The following NREP variants were observed in gnomAD, a reference collection of about 807,000 sequenced individuals.
NREP encodes neuronal regeneration-related protein.
In NREP, 5 loss-of-function variants were observed where a neutral mutation model predicts 8.6. The observed-to-expected ratio is 0.58, with a 90% confidence interval of 0.30 to 1.22. The LOEUF (loss-of-function observed/expected upper bound fraction) is 1.22. NREP is among the 50% of genes most tolerant of loss of function. The probability of loss-of-function intolerance (pLI) is 0.07; values close to 1 mark genes in which losing one functional copy is unlikely to be tolerated. For synonymous variants in NREP, 27 were observed against 28.0 expected (o/e 0.96, Z 0.11); for missense variants, 86 against 82.5 (o/e 1.04, Z -0.17).
intron 2 of NREP, among the ~76,000 whole-genome samples, chr5:111,862,925 G>A (rs994967702): frequency 8.7e-5 from 13 of 150,176 alleles, no homozygotes; most frequent in African/African-American, 3.2e-4. Context: ...TTGCTGAGGT[G>A]AGCAGGATAC....
intron 2 of NREP, among the ~76,000 whole-genome samples, chr5:111,929,005 T>C (rs192506472): frequency 1.6e-4 from 24 of 152,258 alleles, no homozygotes; most frequent in African/African-American, 5.8e-4. Context: ...ATGCATATAA[T>C]AAATGTACTT....
chr5:111,972,547 C>G (rs1581263841), intron 2 of NREP, among the ~76,000 whole-genome samples: 1 of 152,174 alleles, frequency 6.6e-6, no homozygotes, highest in Admixed American at 6.5e-5. Context: ...TTAGTGGCAG[C>G]AGTTCCTATG....
intron 2 of NREP, among the ~76,000 whole-genome samples, chr5:111,818,423 G>A (rs1420185017): frequency 6.6e-6 from 1 of 152,164 alleles, no homozygotes; most frequent in East Asian, 1.9e-4. Context: ...TATGTACTGA[G>A]AATAATTATT....
chr5:111,913,419 G>A (rs958720333), intron 2 of NREP, among the ~76,000 whole-genome samples: 2 of 152,044 alleles, frequency 1.3e-5, no homozygotes, highest in African/African-American at 4.8e-5. Context: ...TTTCCTAGCA[G>A]AAGAAAAAGA....
intron 2 of NREP, among the ~76,000 whole-genome samples, chr5:111,888,339 T>TGGGGGGGGGG (rs1554105346): frequency 2.1e-5 from 3 of 144,696 alleles, no homozygotes; most frequent in African/African-American, 2.7e-5. Flanking sequence ...CATTGCTGGG[T>TGGGGGGGGGG]GGCGGGGGGG....
At chr5:111,891,852 C>T (rs1754402839) in intron 2 of NREP, among the ~76,000 whole-genome samples, 1 of 152,166 alleles carries the variant, frequency 6.6e-6, no homozygotes, top group Non-Finnish European at 1.5e-5. Context: ...GGGAAATACA[C>T]CATCGTGAGC....
At chr5:111,921,640 C>T (rs1309521477) in intron 2 of NREP, among the ~76,000 whole-genome samples, 1 of 151,872 alleles carries the variant, frequency 6.6e-6, no homozygotes, top group South Asian at 2.1e-4. Context: ...TTTGGACAAG[C>T]CTTCATAGTA....
chr5:111,782,803 C>T (rs190191078), intron 2 of NREP, among the ~76,000 whole-genome samples: 1 of 151,614 alleles, frequency 6.6e-6, no homozygotes, highest in Admixed American at 6.6e-5. Flanking sequence ...GGCATGATCT[C>T]AGCTCACTGC....
At chr5:111,885,751 G>A (rs1754227151) in intron 2 of NREP, among the ~76,000 whole-genome samples, 1 of 152,158 alleles carries the variant, frequency 6.6e-6, no homozygotes, top group African/African-American at 2.4e-5. Context: ...AATGGTGCTG[G>A]GAAAACTGGC....
At chr5:111,922,639 G>C (rs1755277031) in intron 2 of NREP, among the ~76,000 whole-genome samples, 1 of 152,122 alleles carries the variant, frequency 6.6e-6, no homozygotes, top group South Asian at 2.1e-4. Flanking sequence ...ACTGTTTTTA[G>C]TAGGTTCTCC....
chr5:111,875,079 G>C (rs554548310), intron 2 of NREP, among the ~76,000 whole-genome samples: 1 of 152,260 alleles, frequency 6.6e-6, no homozygotes, highest in South Asian at 2.1e-4. Flanking sequence ...GGATCATGGA[G>C]AAAGATCAAA....
intron 2 of NREP, among the ~76,000 whole-genome samples, chr5:111,808,716 A>G (rs1752199940): frequency 1.3e-5 from 2 of 152,124 alleles, no homozygotes; most frequent in African/African-American, 4.8e-5. Context: ...GCTTCCAGCC[A>G]TGTTTGGGTA....
intron 2 of NREP, among the ~76,000 whole-genome samples, chr5:111,771,774 A>C (rs1027245239): frequency 2.0e-5 from 3 of 151,912 alleles, no homozygotes; most frequent in South Asian, 2.1e-4. Context: ...AAAAAAAAAA[A>C]AAAACAAAAA....
chr5:111,735,319 G>C, intron 3 of NREP, 111 bp downstream of exon 3: 1 of 639,246 alleles, frequency 1.6e-6, no homozygotes, highest in Non-Finnish European at 2.7e-6. Context: ...CAGATTAATG[G>C]ATTGTTATAG....
intron 2 of NREP, among the ~76,000 whole-genome samples, chr5:111,815,486 G>A (rs1038476654): frequency 6.6e-6 from 1 of 151,534 alleles, no homozygotes; most frequent in African/African-American, 2.4e-5. Flanking sequence ...AGTTATCAAA[G>A]AAAGTTTTTT....
chr5:111,861,944 AC>A (rs1243599909), intron 2 of NREP, among the ~76,000 whole-genome samples: 3 of 152,180 alleles, frequency 2.0e-5, no homozygotes, highest in Non-Finnish European at 2.9e-5. Flanking sequence ...TGGTGCATCT[AC>A]ATATGATTTT....
At chr5:111,777,355 AGTGTGT>A (rs57727316) in intron 2 of NREP, among the ~76,000 whole-genome samples, 2 of 148,678 alleles carry the variant, frequency 1.3e-5, no homozygotes, top group African/African-American at 2.5e-5. Flanking sequence ...TGTGTGTGTG[AGTGTGT>A]GTGTGTGTGT....
At chr5:111,832,415 C>T (rs1161527264) in intron 2 of NREP, among the ~76,000 whole-genome samples, 1 of 152,000 alleles carries the variant, frequency 6.6e-6, no homozygotes, top group African/African-American at 2.4e-5. Context: ...CCTGTAGTCC[C>T]AGCTACTTGT....
At chr5:111,917,053 T>C (rs1303571484) in intron 2 of NREP, among the ~76,000 whole-genome samples, 1 of 152,134 alleles carries the variant, frequency 6.6e-6, no homozygotes, top group African/African-American at 2.4e-5. Context: ...GTTTTATATG[T>C]TGGCATACTT....
Sources: gnomAD v4.1 joint callset for allele counts (sites outside exome capture counted in the v4.1 genomes callset) on GRCh38, gnomAD v4.1.1 for gene constraint, MANE v1.5 for transcripts, NCBI Gene and HGNC (gene_info 2026-07-23, HGNC 2026-07-21) for gene names.